RIPK1: variants seen among roughly 807,000 people sequenced by gnomAD.
The protein encoded by RIPK1 is receptor-interacting serine/threonine-protein kinase 1.
A neutral mutation model predicts 62.4 loss-of-function variants in RIPK1; 27 were observed. That is an observed-to-expected ratio of 0.43 (90% CI 0.32 to 0.60). The LOEUF is 0.60. Ranked by LOEUF, RIPK1 falls within the 20% of genes least tolerant of loss-of-function variation. The pLI is 0.07. For synonymous variants in RIPK1, 287 were observed against 303.2 expected (o/e 0.95, Z 0.55); for missense variants, 735 against 831.0 (o/e 0.88, Z 1.42).
At position 3,105,831 on chromosome 6, in the gene RIPK1, CTCAGGGCTCACCAGCCAA is replaced by C; in HGVS notation, c.1357_1374del (p.Ser453_Gln458del). The C allele has an allele frequency of 6.2e-7, 1 of 1,614,168 alleles. No individual in the cohort carries two copies. The highest frequency in any genetic ancestry group is 8.5e-7 in the Non-Finnish European group (1 of 1,180,012). ...GTCATGGTAATGCAGTGCACCAGCC[CTCAGGGCTCACCAGCCAA>C]CCTCAAGTACTGTATCAGAACAATG... is the stretch of plus-strand genomic sequence containing the variant. On this transcript the variant is annotated inframe_deletion, in exon 9 of 11. Transcript: ENST00000259808. The surrounding 1 kb of genome is among the most constrained non-coding windows in gnomAD (Gnocchi z 4.5).
chr6:3,074,118 G>A (rs1001765737), intron 1 of RIPK1, among the ~76,000 whole-genome samples: 14 of 152,274 alleles, frequency 9.2e-5, no homozygotes, highest in African/African-American at 2.6e-4. Flanking sequence ...GGGCAGATGC[G>A]TATGCCTGCA....
In RIPK1 at chr6:3,106,014, T is replaced by C; in HGVS notation, c.1539T>C (p.Asn513=). ...TGCCTGAGACCAACTATCTAGGAAA[T>C]ACACCCACCATGCCATTCAGCTCCT... ...IPVPETNYLG[N]TPTMPFSSLP... is the part of the protein sequence containing the mutation. Residue 513 remains asparagine (N), a synonymous_variant, in exon 9 of 11, where the codon AAT becomes AAC. Coordinates refer to ENST00000259808, the MANE Select transcript of RIPK1 (RefSeq NM_001354930.2). 6.2e-7 allele frequency: 1 copy of C among 1,612,212 alleles called. No individual in the cohort carries two copies. The highest frequency in any genetic ancestry group is 8.5e-7 in the Non-Finnish European group (1 of 1,178,380).
In RIPK1 at chr6:3,085,269, T is replaced by G. The variant is rs1347264708; in HGVS notation, c.699T>G (p.Cys233Trp). Reference protein sequence around the residue: ...ANKEPYENAICEQQLIMCIKS... With the variant: ...ANKEPYENAIWEQQLIMCIKS... ...GTCTTTGCTTTGTAGATGCTATCTG[T>G]GAGCAGCAGTTGATAATGTGCATAA... The change falls in exon 6 of 11, where the codon TGT becomes TGG. Residue 233 changes from cysteine to tryptophan, a missense_variant. Cys to Trp is a radical substitution (Grantham distance 215). Coordinates refer to ENST00000259808, the MANE Select transcript of RIPK1 (RefSeq NM_001354930.2). 1 of 1,614,108 alleles carries G rather than the reference T, an allele frequency of 6.2e-7. No individual in the cohort carries two copies. Among genetic ancestry groups the G allele is most frequent in the Non-Finnish European group, 8.5e-7 (1 of 1,180,044 alleles).
intron 7 of RIPK1, among the ~76,000 whole-genome samples, chr6:3,099,971 T>C (rs915961179): frequency 6.6e-6 from 1 of 152,194 alleles, no homozygotes; most frequent in African/African-American, 2.4e-5. Context: ...CTGCCCTAAA[T>C]TATGATTCAT....
At chr6:3,066,212 C>T (rs1050560767), upstream of RIPK1, among the ~76,000 whole-genome samples, 13 of 151,984 alleles carry the variant, frequency 8.6e-5, no homozygotes, top group African/African-American at 1.5e-4. Flanking sequence ...TTAGTAGAGA[C>T]GAGGTTTCAT....
At position 3,072,813 on chromosome 6, in the gene RIPK1, T is replaced by C. The variant is rs144932167; in HGVS notation, c.-60-3951T>C. Among the ~76,000 whole-genome samples, 2 of 152,272 alleles carry C rather than the reference T, an allele frequency of 1.3e-5. No individual in the cohort carries two copies. Among genetic ancestry groups the C allele is most frequent in the East Asian group, 3.9e-4 (2 of 5,188 alleles). ...AAGAGGGTGGGGCGGATGACCCTTA[T>C]GGAATGGGGAAGGCTTCACAGTTCT... On this transcript the variant is annotated intron_variant, in intron 1 of 10. Transcript: ENST00000259808. This position sits in a 1 kb window ranked among gnomAD's most constrained non-coding sequence, Gnocchi z 5.6.
intron 1 of RIPK1, among the ~76,000 whole-genome samples, chr6:3,069,075 G>A (rs1257262835): frequency 6.6e-6 from 1 of 152,260 alleles, no homozygotes; most frequent in Non-Finnish European, 1.5e-5. Flanking sequence ...TCGGGGCGCT[G>A]GACTGGTAGC....
At chr6:3,073,761 C>T (rs1758896972) in intron 1 of RIPK1, among the ~76,000 whole-genome samples, 1 of 152,176 alleles carries the variant, frequency 6.6e-6, no homozygotes. Context: ...CTGTGCAACA[C>T]CATGGGCAGC....
At chr6:3,090,738 T>C (rs1317290478) in intron 7 of RIPK1, among the ~76,000 whole-genome samples, 1 of 151,876 alleles carries the variant, frequency 6.6e-6, no homozygotes, top group African/African-American at 2.4e-5. Flanking sequence ...AAACACAGGA[T>C]ACGCTGCACC....
Position 3,083,257 on chromosome 6 carries a change from T to G in RIPK1, c.632T>G (p.Val211Gly). 1 of 1,613,842 alleles carries G rather than the reference T, an allele frequency of 6.2e-7. No homozygotes were observed. The highest frequency in any genetic ancestry group is 8.5e-7 in the Non-Finnish European group (1 of 1,179,988). The change falls in exon 5 of 11, where the codon GTG (valine) becomes GGG (glycine). Residue 211 changes from valine to glycine, a missense_variant. Physicochemically the swap from Val to Gly is moderately radical, Grantham distance 109. Coordinates refer to ENST00000259808, the MANE Select transcript of RIPK1 (RefSeq NM_001354930.2). ...VNAKPTEKSD[V>G]YSFAVVLWAI... Reference sequence around the variant, plus strand: ...GCAAAGCCCACAGAGAAGTCGGATGTGTACAGCTTTGCTGTAGTACTCTGG... The same window carrying G: ...GCAAAGCCCACAGAGAAGTCGGATGGGTACAGCTTTGCTGTAGTACTCTGG...
chr6:3,095,800 GA>G (rs1760260281), intron 7 of RIPK1, among the ~76,000 whole-genome samples: 1 of 150,894 alleles, frequency 6.6e-6, no homozygotes, highest in Non-Finnish European at 1.5e-5. Context: ...AAGGTATCTT[GA>G]AACGAACAGA....
intron 10 of RIPK1, among the ~76,000 whole-genome samples, chr6:3,111,247 T>TA (rs1159338941): frequency 6.6e-6 from 1 of 151,980 alleles, no homozygotes; most frequent in African/African-American, 2.4e-5. Flanking sequence ...TAAAAAGTGT[T>TA]AAACTTTCAT....
intron 7 of RIPK1, among the ~76,000 whole-genome samples, chr6:3,097,786 T>A (rs995915318): frequency 1.3e-5 from 2 of 152,076 alleles, no homozygotes; most frequent in South Asian, 4.1e-4. Flanking sequence ...ATAAACGAAT[T>A]CATTGTAAAA....
rs1760781159 is a variant in RIPK1, at chr6:3,105,256, TCTTG to T, written c.1007-219_1007-216del. ...ATCATCCCTGCAACAGCCGCTTTTC[TCTTG>T]CTTGCTATAATTTTCCTAGTACTCT... is the stretch of plus-strand genomic sequence containing the variant. On this transcript the variant is annotated intron_variant, in intron 8 of 10. Coordinates refer to ENST00000259808, the MANE Select transcript of RIPK1 (RefSeq NM_001354930.2). The surrounding 1 kb of genome is among the most constrained non-coding windows in gnomAD (Gnocchi z 4.5). Among the ~76,000 whole-genome samples the T allele has an allele frequency of 6.6e-6, 1 of 152,172 alleles. No individual in the cohort carries two copies. Among genetic ancestry groups the T allele is most frequent in the South Asian group, 2.1e-4 (1 of 4,836 alleles).
chr6:3,087,345 G>T (rs1759751572), intron 6 of RIPK1, among the ~76,000 whole-genome samples: 1 of 151,570 alleles, frequency 6.6e-6, no homozygotes, highest in South Asian at 2.1e-4. Context: ...TTTCTTTCTG[G>T]AATTCTGACA....
chr6:3,083,543 CTT>C (rs995660270), intron 5 of RIPK1, among the ~76,000 whole-genome samples: 7 of 152,148 alleles, frequency 4.6e-5, no homozygotes, highest in Admixed American at 1.3e-4. Context: ...CTTGTGAGGA[CTT>C]AGCCTTTCAC....
chr6:3,090,825 CACCTACCT>C (rs1760030427), intron 7 of RIPK1, among the ~76,000 whole-genome samples: 1 of 84,940 alleles, frequency 1.2e-5, no homozygotes, highest in African/African-American at 5.8e-5. Context: ...AACCGCAGCG[CACCTACCT>C]GCCGCACCTA....
chr6:3,080,886 T>C, intron 3 of RIPK1, 93 bp from the exon 4 acceptor site: 1 of 1,269,290 alleles, frequency 7.9e-7, no homozygotes, highest in Non-Finnish European at 1.1e-6. Flanking sequence ...AACCTTCTCC[T>C]CAGGCTCAGA....
Position 3,081,841 on chromosome 6 carries a change from CAA to C in RIPK1, c.459+726_459+727del, listed in dbSNP as rs1759398711. 3.5e-5 allele frequency among the ~76,000 whole-genome samples: 4 copies of C among 114,918 alleles called. No homozygotes were observed. In the Admixed American group the frequency reaches 4.8e-4, roughly 14 times the overall value. 75.4% of individuals were successfully genotyped at this position (114,918 alleles called of 152,430 possible). ...TGCCATCGCACTCCAGCCTGGGCAA[CAA>C]GAGCGAAACTCTGCCTTAAAAAAAA... is the stretch of plus-strand genomic sequence containing the variant. On this transcript the variant is annotated intron_variant, in intron 4 of 10. Coordinates refer to ENST00000259808, the MANE Select transcript of RIPK1 (RefSeq NM_001354930.2).
Sources: allele counts gnomAD v4.1 joint callset (sites outside exome capture counted in the v4.1 genomes callset), GRCh38; gene constraint gnomAD v4.1.1; non-coding constraint Gnocchi (gnomAD v3.1); transcripts MANE v1.5; gene names NCBI Gene and HGNC (gene_info 2026-07-23, HGNC 2026-07-21).